Variants in MALRD1 observed in about 807,000 individuals in gnomAD.
MALRD1 encodes MAM and LDL-receptor class A domain-containing protein 1.
Under a neutral mutation model 242.1 loss-of-function variants are expected in MALRD1, and 247 were observed. The ratio of observed to expected loss-of-function variants is 1.02; its 90% CI spans 0.92 to 1.13. The LOEUF (loss-of-function observed/expected upper bound fraction) is 1.13. MALRD1 is among the 50% of genes most tolerant of loss of function. MALRD1 has a pLI of 0.00. For missense variants in MALRD1, 2,989 were observed against 2,533.1 expected, an observed-to-expected ratio of 1.18 and a Z score of -3.86; for synonymous variants, 995 against 866.6, an observed-to-expected ratio of 1.15 and a Z score of -2.60.
chr10:19,390,383 C>T (rs966177717), intron 28 of MALRD1, among the ~76,000 whole-genome samples: 1 of 152,164 alleles, frequency 6.6e-6, no homozygotes, highest in Non-Finnish European at 1.5e-5. Context: ...TTACATGAAA[C>T]TGCTTATTAA....
chr10:19,110,847 T>C (rs931043276), intron 5 of MALRD1, among the ~76,000 whole-genome samples: 1 of 152,158 alleles, frequency 6.6e-6, no homozygotes, highest in African/African-American at 2.4e-5. Flanking sequence ...ACTAGTGTTA[T>C]TCATTGGCTG....
chr10:19,351,676 A>T (rs1844382695), intron 25 of MALRD1, among the ~76,000 whole-genome samples: 1 of 152,200 alleles, frequency 6.6e-6, no homozygotes, highest in African/African-American at 2.4e-5. Flanking sequence ...CAATTTAATG[A>T]TCTTGTATTC....
At chr10:19,483,721 A>G (rs140715072) in intron 29 of MALRD1, among the ~76,000 whole-genome samples, 1 of 152,280 alleles carries the variant, frequency 6.6e-6, no homozygotes, top group African/African-American at 2.4e-5. Flanking sequence ...CAGTTTGGAG[A>G]TTTCTCAAAG....
rs147664164 is a variant in MALRD1 at position 19,417,889 on chromosome 10, A to G, written c.4845+28280A>G. 2.0e-5 allele frequency among the ~76,000 whole-genome samples: 3 copies of G among 152,248 alleles called. No individual in the cohort carries two copies. In the East Asian group the frequency reaches 5.8e-4, roughly 29 times the overall value. On this transcript the variant is annotated intron_variant, in intron 28 of 39. Transcript: ENST00000454679. The stretch of plus-strand genomic sequence containing the variant: ...TCATATAAATGTATGGTATAGTGAA[A>G]CCATCATTTCCTTATTGTTCAACAA...
intron 28 of MALRD1, among the ~76,000 whole-genome samples, chr10:19,394,792 AT>A (rs1480054967): frequency 1.3e-5 from 2 of 152,148 alleles, no homozygotes; most frequent in Non-Finnish European, 2.9e-5. Flanking sequence ...AGCATTTCAG[AT>A]TTTGGATTGC....
chr10:19,411,881 T>A (rs1376251797), intron 28 of MALRD1, among the ~76,000 whole-genome samples: 2 of 152,210 alleles, frequency 1.3e-5, no homozygotes, highest in African/African-American at 2.4e-5. Flanking sequence ...ACTTTCTGAT[T>A]AAATGTGTAA....
At chr10:19,221,989 G>A (rs748212484) in intron 18 of MALRD1, among the ~76,000 whole-genome samples, 1 of 152,084 alleles carries the variant, frequency 6.6e-6, no homozygotes, top group Admixed American at 6.6e-5. Context: ...GAAAAATACC[G>A]AGTGTGAACA....
At chr10:19,646,686 G>GT (rs1840675226) in intron 36 of MALRD1, among the ~76,000 whole-genome samples, 1 of 152,100 alleles carries the variant, frequency 6.6e-6, no homozygotes, top group African/African-American at 2.4e-5. Flanking sequence ...ACAATAGGAG[G>GT]TAAGTACTGT....
At chr10:19,427,505 C>T (rs546022322) in intron 28 of MALRD1, among the ~76,000 whole-genome samples, 14 of 152,284 alleles carry the variant, frequency 9.2e-5, no homozygotes, top group East Asian at 1.9e-4. Flanking sequence ...AACCATGTCT[C>T]GCAGATGGCC....
chr10:19,538,063 A>G (rs772508245), intron 32 of MALRD1, among the ~76,000 whole-genome samples: 25 of 152,350 alleles, frequency 1.6e-4, no homozygotes, highest in Non-Finnish European at 3.1e-4. Flanking sequence ...TTTTATTAGC[A>G]TATTAATGAA....
chr10:19,612,337 C>T (rs1210132808), intron 35 of MALRD1, among the ~76,000 whole-genome samples: 2 of 151,866 alleles, frequency 1.3e-5, no homozygotes, highest in Admixed American at 6.6e-5. Flanking sequence ...TCATCTTTGG[C>T]ACCTTACTCC....
intron 7 of MALRD1, 59 bp from the exon 8 acceptor site, chr10:19,128,162 G>C (rs1165726084): frequency 8.7e-7 from 1 of 1,155,714 alleles, no homozygotes; most frequent in Non-Finnish European, 1.1e-6. Flanking sequence ...AATAGTTTTA[G>C]TCAGACAGAA....
intron 18 of MALRD1, among the ~76,000 whole-genome samples, chr10:19,249,833 T>C (rs1195259451): frequency 6.6e-6 from 1 of 151,822 alleles, no homozygotes; most frequent in Non-Finnish European, 1.5e-5. Flanking sequence ...AAAAGACAAA[T>C]ATGGGTTAGT....
At chr10:19,608,658 A>C (rs1024521100) in intron 35 of MALRD1, among the ~76,000 whole-genome samples, 3 of 152,126 alleles carry the variant, frequency 2.0e-5, no homozygotes, top group Admixed American at 6.6e-5. Context: ...TATCAAAACT[A>C]GTTAAGAAAA....
intron 12 of MALRD1, among the ~76,000 whole-genome samples, chr10:19,155,799 T>A (rs1234848752): frequency 6.6e-6 from 1 of 152,192 alleles, no homozygotes; most frequent in Non-Finnish European, 1.5e-5. Context: ...CACGATTATA[T>A]GGAATAATGT....
At chr10:19,552,609 ATCTC>A (rs1311834520) in intron 32 of MALRD1, among the ~76,000 whole-genome samples, 2 of 151,854 alleles carry the variant, frequency 1.3e-5, no homozygotes, top group Non-Finnish European at 2.9e-5. Context: ...GAACACTACT[ATCTC>A]TCACAACAGT....
Position 19,347,796 on chromosome 10 carries a change from C to A in MALRD1, c.3927C>A (p.Phe1309Leu). The change falls in exon 25 of 40, where the codon TTC becomes TTA. Residue 1309 changes from phenylalanine to leucine, a missense_variant. Transcript: ENST00000454679. ...GTACCTCCAGTGGGCGCTGTGATTT[C>A]GAATTTGATCTTTGTTCCTGGAAGC... ...ICRTSSGRCD[F>L]EFDLCSWKQE... The A allele has an allele frequency of 6.4e-7, 1 of 1,550,390 alleles. No individual in the cohort carries two copies. The highest frequency in any genetic ancestry group is 8.7e-7 in the Non-Finnish European group (1 of 1,146,850).
intron 29 of MALRD1, among the ~76,000 whole-genome samples, chr10:19,454,717 C>T (rs1835545660): frequency 9.6e-6 from 1 of 104,112 alleles, no homozygotes; most frequent in Admixed American, 9.7e-5. Flanking sequence ...CACACGTACA[C>T]ACACACACAC....
chr10:19,240,792 A>T (rs546003607), intron 18 of MALRD1, among the ~76,000 whole-genome samples: 1 of 152,120 alleles, frequency 6.6e-6, no homozygotes, highest in East Asian at 1.9e-4. Context: ...ACTTTTGTCA[A>T]GTGTTCTTTT....
Sources: allele counts gnomAD v4.1 joint callset (sites outside exome capture counted in the v4.1 genomes callset), GRCh38; gene constraint gnomAD v4.1.1; transcripts MANE v1.5; gene names NCBI Gene and HGNC (gene_info 2026-07-23, HGNC 2026-07-21).